SH3BGR: variants seen among roughly 807,000 people sequenced by gnomAD.
SH3BGR encodes the protein SH3 domain-binding glutamic acid-rich protein.
A neutral mutation model predicts 24.5 loss-of-function variants in SH3BGR; 29 were observed. That is an observed-to-expected ratio of 1.18 (90% CI 0.88 to 1.61). SH3BGR has a LOEUF of 1.61. SH3BGR is among the 40% of genes most tolerant of loss of function. The pLI, the probability that SH3BGR is intolerant of heterozygous loss-of-function variation, is 0.00. For synonymous variants in SH3BGR, 55 were observed against 65.7 expected, an observed-to-expected ratio of 0.84 and a Z score of 0.79; for missense variants, 162 against 205.8, an observed-to-expected ratio of 0.79 and a Z score of 1.30.
intron 4 of SH3BGR, among the ~76,000 whole-genome samples, chr21:39,503,502 A>G (rs997162033): frequency 6.6e-6 from 1 of 152,202 alleles, no homozygotes; most frequent in African/African-American, 2.4e-5. Context: ...ACCTCTCTCC[A>G]GCACCTGGCA....
chr21:39,469,970 T>C (rs1015752323), intron 2 of SH3BGR, among the ~76,000 whole-genome samples: 1 of 152,222 alleles, frequency 6.6e-6, no homozygotes, highest in Middle Eastern at 3.4e-3. Flanking sequence ...GTATTTTCTT[T>C]ATTGTTAAGT....
upstream of SH3BGR, among the ~76,000 whole-genome samples, chr21:39,447,596 T>C (rs1473258925): frequency 6.6e-6 from 1 of 151,888 alleles, no homozygotes; most frequent in Non-Finnish European, 1.5e-5. Flanking sequence ...TTTTTGTATT[T>C]TTAGTAGAGA....
At chr21:39,510,462 TAC>T (rs148597054) in intron 5 of SH3BGR, among the ~76,000 whole-genome samples, 12 of 112,412 alleles carry the variant, frequency 1.1e-4, no homozygotes, top group Non-Finnish European at 1.3e-4. Context: ...ACACTGTAGC[TAC>T]ACACACACAC....
chr21:39,463,508 A>G (rs2077790433), intron 2 of SH3BGR, among the ~76,000 whole-genome samples: 1 of 152,208 alleles, frequency 6.6e-6, no homozygotes, highest in Admixed American at 6.5e-5. Context: ...TGTGAAGTAG[A>G]GGGAATGTCT....
At chr21:39,514,534 G>C (rs918198301) in intron 6 of SH3BGR, among the ~76,000 whole-genome samples, 1 of 151,956 alleles carries the variant, frequency 6.6e-6, no homozygotes, top group South Asian at 2.1e-4. Context: ...GCTAATTTTC[G>C]TATTTTTTGT....
intron 4 of SH3BGR, among the ~76,000 whole-genome samples, chr21:39,507,652 A>C (rs2078606408): frequency 6.7e-6 from 1 of 148,720 alleles, no homozygotes; most frequent in Non-Finnish European, 1.5e-5. Context: ...TGATTTTTAA[A>C]ATTTTACTTT....
intron 3 of SH3BGR, chr21:39,488,300 T>C (rs778991715): frequency 7.3e-5 from 14 of 191,082 alleles, no homozygotes; most frequent in Non-Finnish European, 1.6e-4. Flanking sequence ...TTCTGGCCTG[T>C]AGCTGAGCAG....
At chr21:39,508,831 G>C (rs1200240193) in intron 4 of SH3BGR, among the ~76,000 whole-genome samples, 167 bp from the exon 5 acceptor site, 1 of 152,166 alleles carries the variant, frequency 6.6e-6, no homozygotes, top group Non-Finnish European at 1.5e-5. Context: ...AAGAAGTAGG[G>C]ATCACCCAGC....
intron 4 of SH3BGR, among the ~76,000 whole-genome samples, chr21:39,505,132 T>C (rs1161166238): frequency 6.6e-6 from 1 of 152,204 alleles, no homozygotes; most frequent in Non-Finnish European, 1.5e-5. Flanking sequence ...AAAACTAATA[T>C]ATCCCACCTC....
chr21:39,508,749 TCAGGA>T (rs2078625210), intron 4 of SH3BGR, among the ~76,000 whole-genome samples: 2 of 152,214 alleles, frequency 1.3e-5, no homozygotes, highest in African/African-American at 4.8e-5. Context: ...TTACATTTTC[TCAGGA>T]GTTCAAGTGA....
At chr21:39,455,005 A>G (rs1032152860) in intron 1 of SH3BGR, among the ~76,000 whole-genome samples, 2 of 152,240 alleles carry the variant, frequency 1.3e-5, no homozygotes, top group African/African-American at 4.8e-5. Flanking sequence ...GCCCTTGCTC[A>G]GAAAGCAGCC....
chr21:39,466,900 A>ATTT (rs56388428), intron 2 of SH3BGR, among the ~76,000 whole-genome samples: 5 of 150,084 alleles, frequency 3.3e-5, no homozygotes, highest in Non-Finnish European at 7.4e-5. Context: ...TTCAAAAGGG[A>ATTT]TTTTTTTTTT....
At chr21:39,483,720 G>A (rs1476931149) in intron 3 of SH3BGR, among the ~76,000 whole-genome samples, 1 of 152,280 alleles carries the variant, frequency 6.6e-6, no homozygotes, top group Non-Finnish European at 1.5e-5. Context: ...TACATGCTGG[G>A]CCAGACACTG....
chr21:39,457,281 TAA>T (rs1339884849), intron 1 of SH3BGR, among the ~76,000 whole-genome samples: 2 of 135,296 alleles, frequency 1.5e-5, no homozygotes, highest in Non-Finnish European at 1.6e-5. Flanking sequence ...AAGTCATATA[TAA>T]GATTATTATA....
At chr21:39,455,712 T>C (rs538509301) in intron 1 of SH3BGR, among the ~76,000 whole-genome samples, 1 of 152,270 alleles carries the variant, frequency 6.6e-6, no homozygotes, top group African/African-American at 2.4e-5. Flanking sequence ...ATGTGCTCAC[T>C]CCCCTCTTCC....
chr21:39,447,049 GC>G (rs567356398), upstream of SH3BGR: 224 of 151,980 alleles, frequency 1.5e-3, 1 homozygote, highest in African/African-American at 4.8e-3. Flanking sequence ...GTTTTGGTGG[GC>G]CATGCATTTC....
intron 3 of SH3BGR, among the ~76,000 whole-genome samples, chr21:39,485,776 C>T (rs1377744548): frequency 6.6e-6 from 1 of 151,468 alleles, no homozygotes; most frequent in East Asian, 1.9e-4. Flanking sequence ...CAAGCTCCAC[C>T]TCCAGGGTTC....
rs536789363 is a variant in SH3BGR at position 39,457,256 on chromosome 21, T to C, written c.45+5115T>C. Among the ~76,000 whole-genome samples, 3 of 142,548 alleles carry C rather than the reference T, an allele frequency of 2.1e-5. No homozygotes were observed. The East Asian group carries it at 6.0e-4, about 28-fold the overall frequency. The allele number at this position is 142,548 out of a possible 152,430, so 93.5% of individuals were successfully genotyped here. Reference sequence around the variant, plus strand: ...TAAATATAAAAATCTTATTATATTATATTGTTATATATAAAAGTCATATAT... The same window carrying C: ...TAAATATAAAAATCTTATTATATTACATTGTTATATATAAAAGTCATATAT... On this transcript the variant is annotated intron_variant, in intron 1 of 6. Transcript: ENST00000333634.
At chr21:39,510,283 A>G (rs568589910) in intron 5 of SH3BGR, among the ~76,000 whole-genome samples, 1 of 152,270 alleles carries the variant, frequency 6.6e-6, no homozygotes, top group South Asian at 2.1e-4. Context: ...ATCTTTATAG[A>G]AAATTTAAAA....
Sources: gnomAD v4.1 joint callset for allele counts (sites outside exome capture counted in the v4.1 genomes callset) on GRCh38, gnomAD v4.1.1 for gene constraint, MANE v1.5 for transcripts, NCBI Gene and HGNC (gene_info 2026-07-23, HGNC 2026-07-21) for gene names.